CCDC62: variants seen among roughly 807,000 people sequenced by gnomAD.
CCDC62 encodes coiled-coil domain containing 62, also known as coiled-coil domain-containing protein 62.
In CCDC62, 72 loss-of-function variants were observed where a neutral mutation model predicts 80.8. The observed-to-expected ratio is 0.89, with a 90% CI of 0.74 to 1.08. The LOEUF is 1.08. Among genes scored for constraint, CCDC62 ranks in the 50% least tolerant of loss-of-function variants. CCDC62 has a pLI of 0.00. For missense variants in CCDC62, 704 were observed against 809.4 expected, an observed-to-expected ratio of 0.87 and a Z score of 1.58; for synonymous variants, 286 against 296.5, an observed-to-expected ratio of 0.96 and a Z score of 0.36.
At chr12:122,798,736 G>A (rs1363145015) in intron 8 of CCDC62, among the ~76,000 whole-genome samples, 9 of 151,848 alleles carry the variant, frequency 5.9e-5, no homozygotes, top group Admixed American at 1.3e-4. Context: ...AGCCGAGATC[G>A]CGCCATTGCA....
rs1407794200 is a variant in CCDC62 at position 122,806,004 on chromosome 12, T to C, written c.1707-147T>C. On this transcript the variant is annotated intron_variant, in intron 9 of 12. Coordinates refer to ENST00000253079, the MANE Select transcript of CCDC62 (RefSeq NM_201435.5). ...TATGCATTAACTTATAATATTCTATTCCAATCTATAATGTTCTACTCAAAC... is the reference window on the plus strand; with the variant it reads ...TATGCATTAACTTATAATATTCTATCCCAATCTATAATGTTCTACTCAAAC... 4.8e-6 allele frequency: 3 copies of C among 626,478 alleles called. No homozygotes were observed. In the African/African-American group the frequency reaches 5.5e-5, roughly 12 times the overall value. The allele number at this position is 626,478 out of a possible 1,614,324, so 38.8% of individuals were successfully genotyped here.
intron 11 of CCDC62, among the ~76,000 whole-genome samples, chr12:122,817,427 C>T (rs1028340408): frequency 5.9e-5 from 9 of 151,390 alleles, no homozygotes; most frequent in African/African-American, 1.7e-4. Context: ...TGGGTTCAAG[C>T]GATTCTCTTG....
intron 9 of CCDC62, among the ~76,000 whole-genome samples, chr12:122,805,209 T>TTTTTTG (rs2031529208): frequency 7.1e-6 from 1 of 141,122 alleles, no homozygotes; most frequent in Non-Finnish European, 1.5e-5. Context: ...TTTTTTTTTT[T>TTTTTTG]GTGAGAATTA....
At position 122,777,544 on chromosome 12, in the gene CCDC62, G is replaced by T. The variant is rs1485390760; in HGVS notation, c.90G>T (p.Leu30=). Residue 30 remains leucine, a synonymous_variant, in exon 2 of 13, where the codon CTG becomes CTT. Transcript: ENST00000253079. The part of the protein sequence containing the change: ...ISTIEKQRKE[L]QLLIGELKDR... ...CTATCGAGAAACAACGGAAGGAGCT[G>T]CAGTTGCTCATTGGAGAATTAAAAG... 2 of 1,614,032 alleles carry T rather than the reference G, an allele frequency of 1.2e-6. No individual in the cohort carries two copies. The highest frequency in any genetic ancestry group is 1.3e-5 in the African/African-American group (1 of 74,930).
chr12:122,806,846 TAA>T (rs200545254), intron 10 of CCDC62, among the ~76,000 whole-genome samples: 1 of 137,274 alleles, frequency 7.3e-6, no homozygotes, highest in Non-Finnish European at 1.6e-5. Context: ...ATGTTGGTTG[TAA>T]AAAAAAAAAG....
rs560760171 is a variant in CCDC62, at chr12:122,818,846, C to T, written c.2002-4520C>T. On this transcript the variant is annotated intron_variant, in intron 11 of 12. Transcript: ENST00000253079. ...AGGTAGGAGGATCATGACTTTGAGC[C>T]CAGGAGTTCGAGGCTACAGTGAACC... Among the ~76,000 whole-genome samples, 20 of 151,968 alleles carry T rather than the reference C, an allele frequency of 1.3e-4. No homozygotes were observed. In the South Asian group the frequency reaches 4.2e-3, roughly 32 times the overall value.
At chr12:122,810,053 A>G (rs2031801106) in intron 10 of CCDC62, among the ~76,000 whole-genome samples, 2 of 152,106 alleles carry the variant, frequency 1.3e-5, no homozygotes, top group African/African-American at 4.8e-5. Context: ...TTAGACCTAA[A>G]ACCATAAAAA....
intron 11 of CCDC62, among the ~76,000 whole-genome samples, chr12:122,815,591 C>T (rs1452480930): frequency 3.3e-5 from 5 of 152,032 alleles, no homozygotes; most frequent in African/African-American, 7.2e-5. Context: ...GGACTACAGG[C>T]GCCCGCCACC....
chr12:122,815,934 C>A (rs2032149070), intron 11 of CCDC62, among the ~76,000 whole-genome samples: 1 of 152,148 alleles, frequency 6.6e-6, no homozygotes, highest in African/African-American at 2.4e-5. Flanking sequence ...TGCCTTATTT[C>A]ACGAAATGCT....
chr12:122,794,655 A>G (rs1045645392), intron 6 of CCDC62, among the ~76,000 whole-genome samples: 3 of 152,060 alleles, frequency 2.0e-5, no homozygotes, highest in African/African-American at 7.2e-5. Context: ...AAGCCTACAA[A>G]AGAATTTATT....
intron 4 of CCDC62, among the ~76,000 whole-genome samples, chr12:122,786,689 G>A (rs1288281572): frequency 2.0e-5 from 3 of 151,998 alleles, no homozygotes; most frequent in African/African-American, 7.2e-5. Context: ...GGCCGGGCAC[G>A]GTGGCTCACG....
At chr12:122,776,352 T>C (rs973594079) in intron 1 of CCDC62, among the ~76,000 whole-genome samples, 1 of 152,248 alleles carries the variant, frequency 6.6e-6, no homozygotes, top group Admixed American at 6.5e-5. Context: ...AAAGAAATTA[T>C]TGTATTAATA....
At chr12:122,778,542 T>A (rs1032661689) in intron 2 of CCDC62, among the ~76,000 whole-genome samples, 1 of 152,172 alleles carries the variant, frequency 6.6e-6, no homozygotes, top group Non-Finnish European at 1.5e-5. Flanking sequence ...AACCTTTTTT[T>A]ACTTAACATT....
Position 122,801,803 on chromosome 12 carries a change from T to A in CCDC62, c.1657T>A (p.Cys553Ser), listed in dbSNP as rs1462577584. 1 of 1,613,970 alleles carries A rather than the reference T, an allele frequency of 6.2e-7. No individual in the cohort carries two copies. Among genetic ancestry groups the A allele is most frequent in the African/African-American group, 1.3e-5 (1 of 74,878 alleles). Residue 553 changes from cysteine (C) to serine (S), a missense_variant, in exon 9 of 13, where the codon TGC (cysteine) becomes AGC (serine). By Grantham distance (112) the Cys-to-Ser change is moderately radical. Transcript: ENST00000253079. ...GAGAATTGTCCGCCTCAAATCTGGG[T>A]GCACCTGTTCAGAAAGCATCTGTGG... ...MQRIVRLKSG[C>S]TCSESICGTQ... is the part of the protein sequence containing the mutation.
chr12:122,780,002 C>T (rs1879732829), intron 2 of CCDC62, among the ~76,000 whole-genome samples: 1 of 151,240 alleles, frequency 6.6e-6, no homozygotes, highest in South Asian at 2.1e-4. Context: ...ACCTAAATGA[C>T]CATCAATATT....
rs567054769 is a variant in CCDC62, at chr12:122,789,034, C to A, written c.670+105C>A. On this transcript the variant is annotated intron_variant, in intron 5 of 12. Coordinates refer to ENST00000253079, the MANE Select transcript of CCDC62 (RefSeq NM_201435.5). ...TGCTTGAGAGTAGATCAATTCCTGG[C>A]CTTAGACCCTAACGTGAAATATCCA... 6.4e-4 allele frequency: 520 copies of A among 813,568 alleles called. 1 individual carries two copies. Among genetic ancestry groups the A allele is most frequent in the Admixed American group, 3.2e-3 (92 of 28,696 alleles). 50.4% of individuals were successfully genotyped at this position (813,568 alleles called of 1,614,324 possible).
chr12:122,777,773 C>A (rs1432782031), intron 2 of CCDC62, 90 bp downstream of exon 2: 6 of 1,201,358 alleles, frequency 5.0e-6, no homozygotes, highest in Non-Finnish European at 7.1e-6. Context: ...GAAGTAAAGA[C>A]TGCAATCCCT....
intron 6 of CCDC62, among the ~76,000 whole-genome samples, chr12:122,794,564 A>G (rs1320143819): frequency 6.6e-6 from 1 of 152,212 alleles, no homozygotes; most frequent in East Asian, 1.9e-4. Context: ...TTGTCTGAAA[A>G]CAATTTTTGT....
intron 10 of CCDC62, 104 bp from the exon 11 acceptor site, chr12:122,813,166 G>A (rs746137042): frequency 2.6e-5 from 32 of 1,244,134 alleles, no homozygotes; most frequent in Non-Finnish European, 3.5e-5. Flanking sequence ...ACTTCAGCCT[G>A]GGCGTCAGAG....
Sources: allele counts gnomAD v4.1 joint callset (sites outside exome capture counted in the v4.1 genomes callset), GRCh38; gene constraint gnomAD v4.1.1; transcripts MANE v1.5; gene names NCBI Gene and HGNC (gene_info 2026-07-23, HGNC 2026-07-21).